Variants in GLRA3 observed in about 807,000 individuals in gnomAD.
GLRA3 encodes the protein glycine receptor alpha 3, also known as glycine receptor subunit alpha-3.
Under a neutral mutation model 60.4 loss-of-function variants are expected in GLRA3, and 44 were observed. The ratio of observed to expected loss-of-function variants is 0.73; its 90% CI spans 0.57 to 0.94. GLRA3 has a LOEUF of 0.94. Ranked by LOEUF, GLRA3 falls within the 40% of genes least tolerant of loss-of-function variation. GLRA3 has a pLI of 0.00. For missense variants in GLRA3, 508 were observed against 564.6 expected (o/e 0.90, Z 1.02); for synonymous variants, 223 against 192.9 (o/e 1.16, Z -1.29).
intron 1 of GLRA3, among the ~76,000 whole-genome samples, chr4:174,828,332 T>C (rs956333016): frequency 1.3e-5 from 2 of 152,200 alleles, no homozygotes; most frequent in African/African-American, 4.8e-5. Flanking sequence ...TAAATGACTA[T>C]GGTCTGTATT....
At chr4:174,798,712 C>G (rs1312794027) in intron 1 of GLRA3, among the ~76,000 whole-genome samples, 1 of 152,196 alleles carries the variant, frequency 6.6e-6, no homozygotes, top group Non-Finnish European at 1.5e-5. Flanking sequence ...ATCACGAGGT[C>G]AGTAGACGGA....
intron 2 of GLRA3, among the ~76,000 whole-genome samples, chr4:174,771,528 A>G (rs1274565995): frequency 2.6e-5 from 4 of 151,730 alleles, no homozygotes; most frequent in African/African-American, 9.7e-5. Flanking sequence ...TGCTCTATTG[A>G]CTCATATCCT....
intron 3 of GLRA3, among the ~76,000 whole-genome samples, chr4:174,750,778 G>A (rs140627765): frequency 2.9e-3 from 441 of 152,198 alleles, no homozygotes; most frequent in African/African-American, 9.8e-3. Context: ...TGGTTGCTCA[G>A]GAGGTTAATA....
chr4:174,818,820 C>A (rs1049130891), intron 1 of GLRA3, among the ~76,000 whole-genome samples: 1 of 152,102 alleles, frequency 6.6e-6, no homozygotes, highest in African/African-American at 2.4e-5. Context: ...AAAGAAAAGT[C>A]TCTTGGTATC....
At chr4:174,664,158 T>C (rs1201520926) in intron 7 of GLRA3, among the ~76,000 whole-genome samples, 1 of 152,198 alleles carries the variant, frequency 6.6e-6, no homozygotes, top group Non-Finnish European at 1.5e-5. Flanking sequence ...ATTCTCTTTC[T>C]TTTCCTGAGC....
intron 5 of GLRA3, among the ~76,000 whole-genome samples, chr4:174,687,165 T>C (rs868679287): frequency 1.3e-5 from 2 of 152,228 alleles, no homozygotes; most frequent in Admixed American, 1.3e-4. Flanking sequence ...GGAGTTACTG[T>C]ATTTTTACTG....
At chr4:174,780,299 A>G (rs1310439967) in intron 2 of GLRA3, among the ~76,000 whole-genome samples, 8 of 149,820 alleles carry the variant, frequency 5.3e-5, no homozygotes, top group Admixed American at 3.3e-4. Context: ...GCCCTAAAAG[A>G]GCTCCTGAAG....
At chr4:174,712,325 T>C (rs545835313) in intron 5 of GLRA3, among the ~76,000 whole-genome samples, 5 of 152,320 alleles carry the variant, frequency 3.3e-5, no homozygotes, top group African/African-American at 9.6e-5. Flanking sequence ...TGAATTATTA[T>C]ATTGGCATAA....
chr4:174,806,124 CT>C (rs1740040671), intron 1 of GLRA3, among the ~76,000 whole-genome samples: 1 of 152,068 alleles, frequency 6.6e-6, no homozygotes, highest in African/African-American at 2.4e-5. Context: ...TGATAAATCA[CT>C]TTTTTAAATC....
chr4:174,779,218 C>G (rs552728436), intron 2 of GLRA3, among the ~76,000 whole-genome samples: 1 of 152,270 alleles, frequency 6.6e-6, no homozygotes, highest in African/African-American at 2.4e-5. Context: ...ACACCTCACA[C>G]GGCAGGGTAC....
chr4:174,656,710 T>G, intron 9 of GLRA3, 33 bp downstream of exon 9: 4 of 1,218,030 alleles, frequency 3.3e-6, no homozygotes, highest in Non-Finnish European at 4.9e-6. Context: ...GATGACCACA[T>G]TCCTCTATTT....
At chr4:174,719,118 C>T (rs1216041346) in intron 4 of GLRA3, among the ~76,000 whole-genome samples, 1 of 151,744 alleles carries the variant, frequency 6.6e-6, no homozygotes, top group Non-Finnish European at 1.5e-5. Flanking sequence ...CGCCCGCCAC[C>T]TCGCCCGGCT....
chr4:174,651,774 T>C (rs1733028097), intron 9 of GLRA3, among the ~76,000 whole-genome samples: 1 of 152,198 alleles, frequency 6.6e-6, no homozygotes, highest in African/African-American at 2.4e-5. Flanking sequence ...CTAGAATTCC[T>C]TGCAAATCTA....
chr4:174,709,930 T>C (rs947465731), intron 5 of GLRA3, among the ~76,000 whole-genome samples: 16 of 152,082 alleles, frequency 1.1e-4, no homozygotes, highest in African/African-American at 3.9e-4. Context: ...AATACATTTT[T>C]ATACCTAAAT....
intron 3 of GLRA3, among the ~76,000 whole-genome samples, chr4:174,733,249 C>G (rs748053410): frequency 2.6e-5 from 4 of 152,160 alleles, no homozygotes; most frequent in Non-Finnish European, 5.9e-5. Flanking sequence ...CCAGAAGGAA[C>G]ACAGCCCTGT....
At chr4:174,788,099 T>C (rs1739190344) in intron 2 of GLRA3, among the ~76,000 whole-genome samples, 1 of 152,102 alleles carries the variant, frequency 6.6e-6, no homozygotes, top group Non-Finnish European at 1.5e-5. Context: ...TTGGGTAAAG[T>C]AATATTCAAG....
intron 5 of GLRA3, among the ~76,000 whole-genome samples, chr4:174,693,270 C>G (rs1205378952): frequency 6.6e-6 from 1 of 152,146 alleles, no homozygotes. Context: ...AAGTTATCTT[C>G]TAGAGTTTTT....
intron 7 of GLRA3, among the ~76,000 whole-genome samples, chr4:174,668,177 C>T (rs1733752847): frequency 6.6e-6 from 1 of 152,096 alleles, no homozygotes; most frequent in African/African-American, 2.4e-5. Context: ...GAAACAGAAG[C>T]CTGGATAGCC....
chr4:174,743,522 A>G (rs1737108593), intron 3 of GLRA3, among the ~76,000 whole-genome samples: 1 of 152,088 alleles, frequency 6.6e-6, no homozygotes, highest in South Asian at 2.1e-4. Context: ...GATTGGTATT[A>G]GTCCTTTTTA....
Sources: gnomAD v4.1 joint callset for allele counts (sites outside exome capture counted in the v4.1 genomes callset) on GRCh38, gnomAD v4.1.1 for gene constraint, MANE v1.5 for transcripts, NCBI Gene and HGNC (gene_info 2026-07-23, HGNC 2026-07-21) for gene names.